WDR47: variants seen among roughly 807,000 people sequenced by gnomAD.
WDR47 encodes WD repeat domain 47, also known as WD repeat-containing protein 47.
A neutral mutation model predicts 97.2 loss-of-function variants in WDR47; 32 were observed. That is an observed-to-expected ratio of 0.33 (90% CI 0.25 to 0.44). The LOEUF is 0.44. Among genes scored for constraint, WDR47 ranks in the 20% least tolerant of loss-of-function variants. The pLI, the probability that WDR47 is intolerant of heterozygous loss-of-function variation, is 1.00. For missense variants in WDR47, 782 were observed against 1,102.3 expected (o/e 0.71, Z 4.11); for synonymous variants, 375 against 373.5 (o/e 1.00, Z -0.05).
At chr1:109,037,405 G>A (rs185424821) in intron 1 of WDR47, among the ~76,000 whole-genome samples, 77 of 151,362 alleles carry the variant, frequency 5.1e-4, no homozygotes, top group Admixed American at 3.0e-3. Flanking sequence ...TTGGGAGGCC[G>A]AGGTGGGCAG....
chr1:108,994,405 C>A (rs1191186460), intron 8 of WDR47, among the ~76,000 whole-genome samples: 1 of 151,932 alleles, frequency 6.6e-6, no homozygotes, highest in Non-Finnish European at 1.5e-5. Context: ...CTCAAAAAAA[C>A]AAAACAAAAC....
rs1383250188 is a variant in WDR47, at chr1:109,023,370, T to C, written c.143A>G (p.Asp48Gly). 1 of 1,613,136 alleles carries C rather than the reference T, an allele frequency of 6.2e-7. No individual in the cohort carries two copies. Among genetic ancestry groups the C allele is most frequent in the Non-Finnish European group, 8.5e-7 (1 of 1,179,672 alleles). The change falls in exon 2 of 15, where the codon GAT becomes GGT. Residue 48 changes from aspartate to glycine, a missense_variant. Physicochemically the swap from Asp to Gly is moderately conservative, Grantham distance 94. Coordinates refer to ENST00000369962, the MANE Select transcript of WDR47 (RefSeq NM_001142551.2). The stretch of plus-strand genomic sequence containing the variant: ...GAAATCATACCTCAGGAAAAGCATA[T>C]CATCTGAAAACAGGCCATTTATGAC... Reference protein sequence around the residue: ...SGVINGLFSDDMLFLRQLILD... With the variant: ...SGVINGLFSDGMLFLRQLILD...
chr1:108,981,302 A>G (rs1658328272), intron 13 of WDR47, among the ~76,000 whole-genome samples: 2 of 152,104 alleles, frequency 1.3e-5, no homozygotes, highest in Admixed American at 6.6e-5. Flanking sequence ...TAGGGTACAT[A>G]CAAACTTTCT....
In WDR47 at chr1:109,027,443, T is replaced by G. The variant is rs568830798; in HGVS notation, c.-9-3922A>C. Among the ~76,000 whole-genome samples, 6 of 152,248 alleles carry G rather than the reference T, an allele frequency of 3.9e-5. No homozygotes were observed. The South Asian group carries it at 1.2e-3, about 32-fold the overall frequency. ...CATGCTTGATGACTATATCTTAGAA[T>G]TATTCTCTTCTAACTCCCTTGTATT... On this transcript the variant is annotated intron_variant, in intron 1 of 14. Coordinates refer to ENST00000369962, the MANE Select transcript of WDR47 (RefSeq NM_001142551.2).
intron 5 of WDR47, among the ~76,000 whole-genome samples, chr1:109,008,728 C>A (rs1384163717): frequency 6.6e-6 from 1 of 152,116 alleles, no homozygotes; most frequent in Non-Finnish European, 1.5e-5. Context: ...CTGCGTCAGC[C>A]TCCTGAGTAG....
At chr1:108,988,552 C>A (rs987653073) in intron 9 of WDR47, among the ~76,000 whole-genome samples, 33 of 151,812 alleles carry the variant, frequency 2.2e-4, no homozygotes, top group African/African-American at 7.5e-4. Context: ...TGTGGTGGCG[C>A]ATGCCCGTAG....
chr1:109,020,381 C>T (rs12568825), intron 2 of WDR47, among the ~76,000 whole-genome samples: 61,801 of 151,366 alleles, frequency 0.41, 13,048 homozygotes, highest in East Asian at 0.64. Context: ...CTGCCTCAGC[C>T]TCCCAAGTAG....
chr1:108,993,279 T>C (rs545063209), intron 8 of WDR47, among the ~76,000 whole-genome samples: 10 of 151,786 alleles, frequency 6.6e-5, no homozygotes, highest in Non-Finnish European at 1.3e-4. Context: ...TGAGCCAAGA[T>C]TGCGCCACTG....
At chr1:109,007,221 CA>C (rs542534921) in intron 5 of WDR47, among the ~76,000 whole-genome samples, 8,413 of 92,018 alleles carry the variant, frequency 0.091, 254 homozygotes, top group Middle Eastern at 0.12. Flanking sequence ...AATGTATACT[CA>C]AAAAAAAAAA....
chr1:108,990,197 A>C (rs1029748035), intron 9 of WDR47, among the ~76,000 whole-genome samples: 1 of 151,980 alleles, frequency 6.6e-6, no homozygotes, highest in Non-Finnish European at 1.5e-5. Context: ...CCATGTCTCT[A>C]TTAATATATA....
rs1229732705 is a variant in WDR47 at position 108,971,419 on chromosome 1, T to A, written c.*11A>T. The A allele has an allele frequency of 1.2e-6, 2 of 1,613,888 alleles. No individual in the cohort carries two copies. The highest frequency in any genetic ancestry group is 2.2e-5 in the East Asian group (1 of 44,898). ...TGTGCTTTTGCTGCATAGACTGACATGCGGTGTGCTCTACCCATTGTAAGT... is the reference window on the plus strand; with the variant it reads ...TGTGCTTTTGCTGCATAGACTGACAAGCGGTGTGCTCTACCCATTGTAAGT... On this transcript the variant is annotated 3_prime_UTR_variant, in exon 15 of 15. Coordinates refer to ENST00000369962, the MANE Select transcript of WDR47 (RefSeq NM_001142551.2).
In WDR47 at chr1:109,037,626, C is replaced by CAA. The variant is rs1334177386; in HGVS notation, c.-10+4234_-10+4235dup. Among the ~76,000 whole-genome samples the CAA allele has an allele frequency of 1.8e-3, 111 of 61,168 alleles. 1 individual carries two copies. Among genetic ancestry groups the CAA allele is most frequent in the African/African-American group, 5.3e-3 (94 of 17,872 alleles). The allele number at this position is 61,168 out of a possible 152,430, so 40.1% of individuals were successfully genotyped here. On this transcript the variant is annotated intron_variant, in intron 1 of 14. Transcript: ENST00000369962. Reference sequence around the variant, plus strand: ...TGGGGGACAGAGCGAGACCTCGTCTCAAAAAAAAAAAAAAAAAAAACCAAC... The same window carrying CAA: ...TGGGGGACAGAGCGAGACCTCGTCTCAAAAAAAAAAAAAAAAAAAAAACCAAC...
At chr1:108,999,068 A>C (rs933091932) in intron 7 of WDR47, among the ~76,000 whole-genome samples, 7 of 152,268 alleles carry the variant, frequency 4.6e-5, no homozygotes, top group South Asian at 2.1e-4. Context: ...TCTACTAAAA[A>C]TACAAAAAAT....
chr1:108,985,679 C>T (rs1658731269), intron 10 of WDR47, among the ~76,000 whole-genome samples: 1 of 152,114 alleles, frequency 6.6e-6, no homozygotes, highest in Admixed American at 6.6e-5. Flanking sequence ...TCTTCACAGC[C>T]TATGAAACAT....
At chr1:109,032,412 G>T (rs1662663669) in intron 1 of WDR47, among the ~76,000 whole-genome samples, 1 of 134,338 alleles carries the variant, frequency 7.4e-6, no homozygotes, top group South Asian at 2.5e-4. Flanking sequence ...GGAGGCTGAG[G>T]CAGGAGAATG....
intron 14 of WDR47, among the ~76,000 whole-genome samples, chr1:108,974,135 C>CA (rs1486952377): frequency 1.3e-5 from 2 of 150,742 alleles, no homozygotes; most frequent in East Asian, 4.0e-4. Flanking sequence ...TAAGAGGATA[C>CA]AGTGAGCTAA....
At chr1:109,004,079 A>G (rs2101910315) in intron 6 of WDR47, among the ~76,000 whole-genome samples, 2 of 152,148 alleles carry the variant, frequency 1.3e-5, no homozygotes, top group South Asian at 4.2e-4. Flanking sequence ...CCTGGCTAAC[A>G]TGGTGAAATC....
intron 7 of WDR47, among the ~76,000 whole-genome samples, chr1:109,001,281 T>C (rs571254551): frequency 2.4e-4 from 36 of 152,006 alleles, no homozygotes; most frequent in Middle Eastern, 3.4e-3. Context: ...AGAGTAAAAT[T>C]CCATCCCAAG....
At chr1:109,004,031 G>A (rs1356261065) in intron 6 of WDR47, among the ~76,000 whole-genome samples, 5 of 152,102 alleles carry the variant, frequency 3.3e-5, no homozygotes, top group African/African-American at 9.7e-5. Context: ...CTGGAAGGCC[G>A]AGGTGGGCGG....
Sources: gnomAD v4.1 joint callset for allele counts (sites outside exome capture counted in the v4.1 genomes callset) on GRCh38, gnomAD v4.1.1 for gene constraint, MANE v1.5 for transcripts, NCBI Gene and HGNC (gene_info 2026-07-23, HGNC 2026-07-21) for gene names.